Variants in PLA2G4D observed in about 807,000 individuals in gnomAD.
The protein encoded by PLA2G4D is cytosolic phospholipase A2 delta.
A neutral mutation model predicts 94.4 loss-of-function variants in PLA2G4D; 80 were observed. That is an observed-to-expected ratio of 0.85 (90% confidence interval 0.71 to 1.02). PLA2G4D has a LOEUF of 1.02. Among genes scored for constraint, PLA2G4D ranks in the 50% least tolerant of loss-of-function variants. PLA2G4D has a pLI of 0.00. For missense variants in PLA2G4D, 1,050 were observed against 1,034.7 expected (o/e 1.01, Z -0.20); for synonymous variants, 438 against 440.9 (o/e 0.99, Z 0.08).
At chr15:42,073,555 G>A (rs551732191) in intron 13 of PLA2G4D, among the ~76,000 whole-genome samples, 11 of 152,200 alleles carry the variant, frequency 7.2e-5, no homozygotes, top group Non-Finnish European at 7.3e-5. Flanking sequence ...CCATGAATAC[G>A]TCATCCTTCC....
In PLA2G4D at chr15:42,086,194, T is replaced by TGGGGGGGGCCG; in HGVS notation, c.387+18_387+19insCGGCCCCCCCC. 2.9e-6 allele frequency: 4 copies of TGGGGGGGGCCG among 1,370,444 alleles called. No individual in the cohort carries two copies. The highest frequency in any genetic ancestry group is 1.5e-5 in the South Asian group (1 of 66,866). The allele number at this position is 1,370,444 out of a possible 1,614,324, so 84.9% of individuals were successfully genotyped here. A position where few individuals can be genotyped will look rare whatever the true frequency, so the allele number is the denominator to read the frequency against. On this transcript the variant is annotated intron_variant, in intron 4 of 19. Transcript: ENST00000290472. Reference sequence around the variant, plus strand: ...GGAAGAAGTGGGGCCCACGGGGACTTCCCCACCCACCCACCCACCTGGGGA... The same window carrying TGGGGGGGGCCG: ...GGAAGAAGTGGGGCCCACGGGGACTTGGGGGGGGCCGCCCCACCCACCCACCCACCTGGGGA...
In PLA2G4D at chr15:42,068,820, G is replaced by A. The variant is rs140469782; in HGVS notation, c.2352C>T (p.Leu784=). Residue 784 remains leucine, a synonymous_variant, in exon 20 of 20, where the codon CTC becomes CTT. Coordinates refer to ENST00000290472, the MANE Select transcript of PLA2G4D (RefSeq NM_178034.4). The part of the protein sequence containing the change: ...KEEDFERLLR[L]SDYNVQTSQG... The stretch of plus-strand genomic sequence containing the variant: ...GGCTGGTCTGCACGTTGTAGTCACT[G>A]AGCCGCAGCAGGCGCTCGAAGTCTT... The A allele has an allele frequency of 1.7e-5, 27 of 1,613,952 alleles. No homozygotes were observed. In the South Asian group the frequency reaches 2.7e-4, roughly 16 times the overall value.
intron 13 of PLA2G4D, among the ~76,000 whole-genome samples, chr15:42,075,319 C>T (rs1013581464): frequency 6.6e-6 from 1 of 152,200 alleles, no homozygotes; most frequent in Non-Finnish European, 1.5e-5. Flanking sequence ...GATCAAACTG[C>T]GTTTTCTAGC....
At chr15:42,079,339 C>G (rs966452468) in intron 13 of PLA2G4D, among the ~76,000 whole-genome samples, 198 bp downstream of exon 13, 1 of 152,240 alleles carries the variant, frequency 6.6e-6, no homozygotes, top group African/African-American at 2.4e-5. Context: ...TTTGGGAGAT[C>G]CAGAAATTTC....
rs750129637 is a variant in PLA2G4D at position 42,069,972 on chromosome 15, C to T, written c.2167G>A (p.Glu723Lys). ...GGGAAGTGCAGCAGGATCGGGGCCTCGGGGCAGGCGGGGTCTGAGAAGAGG... is the reference window on the plus strand; with the variant it reads ...GGGAAGTGCAGCAGGATCGGGGCCTTGGGGCAGGCGGGGTCTGAGAAGAGG... ...CHLFSDPACP[E>K]APILLHFPLV... is the part of the protein sequence containing the mutation. Residue 723 changes from glutamate (E) to lysine (K), a missense_variant, in exon 19 of 20, where the codon GAG (glutamate) becomes AAG (lysine). Coordinates refer to ENST00000290472, the MANE Select transcript of PLA2G4D (RefSeq NM_178034.4). 7.5e-6 allele frequency: 11 copies of T among 1,468,982 alleles called. No homozygotes were observed. The highest frequency in any genetic ancestry group is 1.4e-5 in the South Asian group (1 of 70,840). 91.0% of individuals were successfully genotyped at this position (1,468,982 alleles called of 1,614,324 possible). A position where few individuals can be genotyped will look rare whatever the true frequency, so the allele number is the denominator to read the frequency against.
intron 13 of PLA2G4D, among the ~76,000 whole-genome samples, chr15:42,074,322 G>A (rs947887371): frequency 5.9e-5 from 9 of 152,096 alleles, no homozygotes; most frequent in African/African-American, 2.2e-4. Flanking sequence ...CTGATGATTC[G>A]AGGGTCCCAT....
rs1035178565 is a variant in PLA2G4D at position 42,088,815 on chromosome 15, C to T, written c.46-1115G>A. On this transcript the variant is annotated intron_variant, in intron 1 of 19. Coordinates refer to ENST00000290472, the MANE Select transcript of PLA2G4D (RefSeq NM_178034.4). Reference sequence around the variant, plus strand: ...TGTCAGGAAGGAACACTGCCTGTGCCGGGGAGTGGGGCAGTGGGAGCCCCA... The same window carrying T: ...TGTCAGGAAGGAACACTGCCTGTGCTGGGGAGTGGGGCAGTGGGAGCCCCA... Among the ~76,000 whole-genome samples the T allele has an allele frequency of 4.6e-5, 7 of 152,070 alleles. No homozygotes were observed. In the East Asian group the frequency reaches 9.6e-4, roughly 21 times the overall value.
intron 13 of PLA2G4D, 107 bp from the exon 14 acceptor site, chr15:42,072,499 C>T: frequency 1.2e-6 from 1 of 832,172 alleles, no homozygotes; most frequent in South Asian, 1.5e-5. Context: ...GGTGAGGAGG[C>T]AGCTCCTCCC....
At position 42,071,323 on chromosome 15, in the gene PLA2G4D, G is replaced by C. The variant is rs1889811374; in HGVS notation, c.1682-6C>G. On this transcript the variant is annotated splice_polypyrimidine_tract_variant and splice_region_variant and intron_variant, in intron 16 of 19. Transcript: ENST00000290472. ...GGTGGTCAGGGGCTCCTTCTCTGAA[G>C]CCAGAGAAACAGAAATTGGTCCCTT... 6.3e-7 allele frequency: 1 copy of C among 1,575,244 alleles called. No homozygotes were observed. The highest frequency in any genetic ancestry group is 8.6e-7 in the Non-Finnish European group (1 of 1,164,626).
intron 1 of PLA2G4D, among the ~76,000 whole-genome samples, chr15:42,094,172 G>A (rs1282763553): frequency 1.3e-5 from 2 of 152,158 alleles, no homozygotes; most frequent in African/African-American, 2.4e-5. Context: ...GGTCCCTAAG[G>A]ACACTGCTGT....
At chr15:42,087,981 T>C (rs1890185060) in intron 1 of PLA2G4D, among the ~76,000 whole-genome samples, 1 of 152,190 alleles carries the variant, frequency 6.6e-6, no homozygotes, top group South Asian at 2.1e-4. Flanking sequence ...ACATGGGTAG[T>C]GGACAGAGCA....
At chr15:42,083,892 G>A in intron 6 of PLA2G4D, 113 bp from the exon 7 acceptor site, 1 of 1,055,776 alleles carries the variant, frequency 9.5e-7, no homozygotes, top group Non-Finnish European at 1.4e-6. Context: ...AAGGAGTTGT[G>A]TGGGCTCAGG....
rs148968817 is a variant in PLA2G4D at position 42,075,446 on chromosome 15, A to G, written c.1318-3054T>C. ...CACCATCAAAACTGAATATGAACTT[A>G]AACAGTAGATCCAAAGACTACATAG... On this transcript the variant is annotated intron_variant, in intron 13 of 19. Transcript: ENST00000290472. Among the ~76,000 whole-genome samples the G allele has an allele frequency of 5.0e-3, 762 of 152,368 alleles. 7 individuals carry two copies. Among genetic ancestry groups the G allele is most frequent in the African/African-American group, 0.017 (724 of 41,576 alleles).
chr15:42,070,953 C>T (rs28605765), intron 17 of PLA2G4D, 70 bp from the exon 18 acceptor site: 71 of 1,551,822 alleles, frequency 4.6e-5, no homozygotes, highest in Non-Finnish European at 5.9e-5. Flanking sequence ...CTTCTCTCCT[C>T]TGGGTCACTC....
rs766914146 is a variant in PLA2G4D, at chr15:42,083,287, C to A, written c.583G>T (p.Asp195Tyr). 6.2e-7 allele frequency: 1 copy of A among 1,614,106 alleles called. No homozygotes were observed. Among genetic ancestry groups the A allele is most frequent in the South Asian group, 1.1e-5 (1 of 91,080 alleles). ...LELVLKGSYE[D>Y]TQTSFLGTAS... Reference sequence around the variant, plus strand: ...GTGCCCAGGAAGGATGTCTGTGTGTCCTCATAGGACCCCTTCAGCACCAGC... The same window carrying A: ...GTGCCCAGGAAGGATGTCTGTGTGTACTCATAGGACCCCTTCAGCACCAGC... Residue 195 changes from aspartate to tyrosine, a missense_variant, in exon 8 of 20, where the codon GAC becomes TAC. Physicochemically the swap from Asp to Tyr is radical, Grantham distance 160 (BLOSUM62 -3). Coordinates refer to ENST00000290472, the MANE Select transcript of PLA2G4D (RefSeq NM_178034.4).
At chr15:42,076,625 C>A (rs1189743681) in intron 13 of PLA2G4D, among the ~76,000 whole-genome samples, 1 of 152,150 alleles carries the variant, frequency 6.6e-6, no homozygotes, top group Non-Finnish European at 1.5e-5. Context: ...AAAACATCAA[C>A]TGTCTAACTA....
At chr15:42,078,440 T>C (rs1889969722) in intron 13 of PLA2G4D, among the ~76,000 whole-genome samples, 1 of 152,238 alleles carries the variant, frequency 6.6e-6, no homozygotes. Context: ...TCATTATGCT[T>C]TATTCAATGT....
At position 42,086,194 on chromosome 15, in the gene PLA2G4D, T is replaced by TCCCA; in HGVS notation, c.387+18_387+19insTGGG. The TCCCA allele has an allele frequency of 2.2e-6, 3 of 1,370,444 alleles. No homozygotes were observed. The highest frequency in any genetic ancestry group is 1.9e-6 in the Non-Finnish European group (2 of 1,043,084). 84.9% of individuals were successfully genotyped at this position (1,370,444 alleles called of 1,614,324 possible). ...GGAAGAAGTGGGGCCCACGGGGACT[T>TCCCA]CCCCACCCACCCACCCACCTGGGGA... On this transcript the variant is annotated intron_variant, in intron 4 of 19. Coordinates refer to ENST00000290472, the MANE Select transcript of PLA2G4D (RefSeq NM_178034.4).
chr15:42,086,461 C>T lies in PLA2G4D; in HGVS notation c.256-117G>A, dbSNP rs1382651041. ...AGAAGATCATTATGCCACCACACGT[C>T]TGCGCTTCAAAATAAAAAAAAAAAC... is the stretch of plus-strand genomic sequence containing the variant. On this transcript the variant is annotated intron_variant, in intron 3 of 19. Coordinates refer to ENST00000290472, the MANE Select transcript of PLA2G4D (RefSeq NM_178034.4). 9.6e-6 allele frequency: 9 copies of T among 934,732 alleles called. 1 individual carries two copies. In the East Asian group the frequency reaches 2.1e-4, roughly 21 times the overall value. The allele number at this position is 934,732 out of a possible 1,614,324, so 57.9% of individuals were successfully genotyped here.
Sources: allele counts gnomAD v4.1 joint callset (sites outside exome capture counted in the v4.1 genomes callset), GRCh38; gene constraint gnomAD v4.1.1; transcripts MANE v1.5; gene names NCBI Gene and HGNC (gene_info 2026-07-23, HGNC 2026-07-21).